The following GALNT10 variants were observed in gnomAD, a reference collection of about 807,000 sequenced individuals.
GALNT10 encodes polypeptide N-acetylgalactosaminyltransferase 10, also known as GalNAc transferase 10.
GALNT10 carries 41 observed loss-of-function variants against 75.0 expected under a neutral mutation model. The ratio of observed to expected loss-of-function variants is 0.55; its 90% CI spans 0.43 to 0.71. GALNT10 has a LOEUF of 0.71. GALNT10 is among the 30% of genes least tolerant of loss of function. The pLI is 0.00. For synonymous variants in GALNT10, 302 were observed against 313.0 expected (o/e 0.96, Z 0.37); for missense variants, 727 against 818.5 (o/e 0.89, Z 1.36).
intron 1 of GALNT10, among the ~76,000 whole-genome samples, chr5:154,208,882 G>A (rs1359114374): frequency 6.6e-6 from 1 of 152,184 alleles, no homozygotes; most frequent in African/African-American, 2.4e-5. Flanking sequence ...TGAGTTAACA[G>A]CACCCAAGGA....
At chr5:154,198,759 C>T (rs189659714) in intron 1 of GALNT10, among the ~76,000 whole-genome samples, 4 of 152,242 alleles carry the variant, frequency 2.6e-5, no homozygotes, top group African/African-American at 9.6e-5. Flanking sequence ...TACTCCAGCC[C>T]CCAGGGGTCA....
At chr5:154,297,065 C>T (rs530391676) in intron 2 of GALNT10, among the ~76,000 whole-genome samples, 1 of 152,282 alleles carries the variant, frequency 6.6e-6, no homozygotes, top group East Asian at 1.9e-4. Context: ...GATTTTATTG[C>T]CATTTCTTCA....
Position 154,370,864 on chromosome 5 carries a change from G to A in GALNT10, c.569-5413G>A, listed in dbSNP as rs153416. 1.6e-4 allele frequency among the ~76,000 whole-genome samples: 25 copies of A among 152,318 alleles called. No individual in the cohort carries two copies. The East Asian group carries it at 3.9e-3, about 24-fold the overall frequency. ...CGAGCCCTAGCCAGTGCAGTAGGCC[G>A]TGGAGTGCAGTGCTCCAGACCAGGC... is the stretch of plus-strand genomic sequence containing the variant. On this transcript the variant is annotated intron_variant, in intron 4 of 11. Transcript: ENST00000297107.
chr5:154,411,615 TCACAGAGCCC>T, intron 9 of GALNT10, among the ~76,000 whole-genome samples: 1 of 152,302 alleles, frequency 6.6e-6, no homozygotes, highest in Middle Eastern at 3.4e-3. Context: ...CACACAGCAG[TCACAGAGCCC>T]TTGCCTGGCT....
At chr5:154,211,528 C>T (rs1775197828) in intron 1 of GALNT10, among the ~76,000 whole-genome samples, 1 of 152,196 alleles carries the variant, frequency 6.6e-6, no homozygotes, top group Non-Finnish European at 1.5e-5. Context: ...GTTAAACTCA[C>T]CATGCATTTC....
intron 4 of GALNT10, among the ~76,000 whole-genome samples, chr5:154,361,943 C>G (rs184417706): frequency 3.7e-4 from 56 of 152,288 alleles, no homozygotes; most frequent in Admixed American, 1.6e-3. Context: ...AGACTCACAT[C>G]ACACCACCTG....
At chr5:154,386,484 C>A in intron 7 of GALNT10, 54 bp downstream of exon 7, 1 of 1,100,654 alleles carries the variant, frequency 9.1e-7, no homozygotes, top group Non-Finnish European at 1.4e-6. Context: ...GAGTGCCTGT[C>A]CCAGTAGGTG....
intron 1 of GALNT10, among the ~76,000 whole-genome samples, chr5:154,278,651 A>G (rs905306428): frequency 6.6e-6 from 1 of 152,204 alleles, no homozygotes; most frequent in African/African-American, 2.4e-5. Flanking sequence ...CATTACCACT[A>G]TCTATACCCA....
chr5:154,314,125 C>A (rs1754564936), intron 3 of GALNT10, among the ~76,000 whole-genome samples: 1 of 152,176 alleles, frequency 6.6e-6, no homozygotes, highest in Non-Finnish European at 1.5e-5. Flanking sequence ...AGATGCTGTA[C>A]CAGGTGCATT....
chr5:154,251,481 AC>A (rs1581939331), intron 1 of GALNT10, among the ~76,000 whole-genome samples: 3 of 152,166 alleles, frequency 2.0e-5, no homozygotes. Flanking sequence ...AGTTTTCTTT[AC>A]TTTTTGCAAA....
chr5:154,204,199 T>G (rs555657495), intron 1 of GALNT10, among the ~76,000 whole-genome samples: 1 of 152,298 alleles, frequency 6.6e-6, no homozygotes, highest in South Asian at 2.1e-4. Context: ...GCTGTGTTAA[T>G]TGGGAGGACA....
chr5:154,204,144 A>C (rs982843941), intron 1 of GALNT10, among the ~76,000 whole-genome samples: 1 of 152,136 alleles, frequency 6.6e-6, no homozygotes. Context: ...TTGTGACCCT[A>C]GTTGGGTCCC....
intron 1 of GALNT10, among the ~76,000 whole-genome samples, chr5:154,258,316 C>T (rs955002103): frequency 8.5e-5 from 13 of 152,188 alleles, no homozygotes; most frequent in African/African-American, 2.9e-4. Flanking sequence ...GAGCAGTTCT[C>T]CATCACTGCT....
At chr5:154,383,967 C>G (rs986886544) in intron 6 of GALNT10, among the ~76,000 whole-genome samples, 3 of 152,122 alleles carry the variant, frequency 2.0e-5, no homozygotes, top group African/African-American at 7.2e-5. Flanking sequence ...CCTCAAGAAA[C>G]TTACAGTCAT....
chr5:154,278,455 A>G (rs533820454), intron 1 of GALNT10, among the ~76,000 whole-genome samples: 2 of 152,366 alleles, frequency 1.3e-5, no homozygotes, highest in East Asian at 3.8e-4. Context: ...ATGCTAATAT[A>G]CTTTATGAAT....
At chr5:154,201,660 G>T (rs907152512) in intron 1 of GALNT10, among the ~76,000 whole-genome samples, 1 of 152,160 alleles carries the variant, frequency 6.6e-6, no homozygotes, top group Admixed American at 6.5e-5. Context: ...GCCAGGCGTG[G>T]TGGCTCTCAC....
intron 1 of GALNT10, among the ~76,000 whole-genome samples, chr5:154,271,774 G>C (rs1341750473): frequency 1.3e-5 from 2 of 152,208 alleles, no homozygotes; most frequent in African/African-American, 4.8e-5. Flanking sequence ...AGAAATGCAG[G>C]TAGAGTCCAC....
intron 4 of GALNT10, among the ~76,000 whole-genome samples, chr5:154,368,345 GGCT>G (rs1755510623): frequency 6.6e-6 from 1 of 152,164 alleles, no homozygotes; most frequent in East Asian, 1.9e-4. Context: ...AGGTTCAGTC[GGCT>G]CTCTGCTTTC....
intron 4 of GALNT10, among the ~76,000 whole-genome samples, chr5:154,335,056 C>A (rs1274814274): frequency 6.6e-6 from 1 of 152,224 alleles, no homozygotes; most frequent in African/African-American, 2.4e-5. Flanking sequence ...TGTCTTCTCT[C>A]CAGCAGCCTT....
Sources: allele counts gnomAD v4.1 joint callset (sites outside exome capture counted in the v4.1 genomes callset), GRCh38; gene constraint gnomAD v4.1.1; transcripts MANE v1.5; gene names NCBI Gene and HGNC (gene_info 2026-07-23, HGNC 2026-07-21).